KCNN2: variants seen among roughly 807,000 people sequenced by gnomAD.
KCNN2 encodes the protein potassium calcium-activated channel subfamily N member 2.
A neutral mutation model predicts 55.5 loss-of-function variants in KCNN2; 24 were observed. The ratio of observed to expected loss-of-function variants is 0.43; its 90% CI spans 0.31 to 0.61. The LOEUF is 0.61. Ranked by LOEUF, KCNN2 falls within the 20% of genes least tolerant of loss-of-function variation. The pLI, the probability that KCNN2 is intolerant of heterozygous loss-of-function variation, is 0.08. For synonymous variants in KCNN2, 431 were observed against 336.1 expected (o/e 1.28, Z -3.09); for missense variants, 754 against 853.6 (o/e 0.88, Z 1.45).
chr5:114,062,687 A>G (rs1750358099), intron 1 of KCNN2, among the ~76,000 whole-genome samples: 1 of 152,202 alleles, frequency 6.6e-6, no homozygotes, highest in African/African-American at 2.4e-5. Context: ...TTTAATAAAT[A>G]TCTTTGTTTT....
chr5:114,321,289 C>T (rs1358797751), intron 2 of KCNN2, among the ~76,000 whole-genome samples: 1 of 152,076 alleles, frequency 6.6e-6, no homozygotes, highest in African/African-American at 2.4e-5. Flanking sequence ...TATAAGGAGT[C>T]TTGTGTTCAT....
At chr5:114,063,594 C>G (rs1203783116) in intron 1 of KCNN2, among the ~76,000 whole-genome samples, 1 of 152,152 alleles carries the variant, frequency 6.6e-6, no homozygotes. Context: ...GCCTAGATAG[C>G]TAATTTTGAG....
chr5:114,188,021 C>T (rs550049378), intron 1 of KCNN2, among the ~76,000 whole-genome samples: 1 of 151,948 alleles, frequency 6.6e-6, no homozygotes, highest in South Asian at 2.1e-4. Flanking sequence ...CCATGTTGGT[C>T]AGGCTGGTCT....
intron 3 of KCNN2, among the ~76,000 whole-genome samples, chr5:114,423,858 CA>C (rs1421906666): frequency 3.3e-5 from 5 of 152,036 alleles, no homozygotes; most frequent in African/African-American, 1.2e-4. Context: ...TTCAAAAGGC[CA>C]AAAAGTGAGG....
At chr5:114,385,594 G>A (rs1330180877) in intron 2 of KCNN2, among the ~76,000 whole-genome samples, 4 of 151,460 alleles carry the variant, frequency 2.6e-5, no homozygotes, top group African/African-American at 9.7e-5. Context: ...GAGAGCTAGA[G>A]CCAAAACTAT....
chr5:114,080,879 A>G (rs769890917), intron 1 of KCNN2, among the ~76,000 whole-genome samples: 11 of 152,172 alleles, frequency 7.2e-5, no homozygotes, highest in Non-Finnish European at 1.2e-4. Flanking sequence ...TAGGAAAAGA[A>G]GAAGTAAAAT....
At chr5:114,380,969 C>A (rs1208154675) in intron 2 of KCNN2, among the ~76,000 whole-genome samples, 2 of 152,114 alleles carry the variant, frequency 1.3e-5, no homozygotes, top group African/African-American at 4.8e-5. Context: ...GTGGATAAAT[C>A]CAGGGTTCTC....
At chr5:114,065,846 G>GTTTTTTTTTTTTTTTT (rs56127808) in intron 1 of KCNN2, among the ~76,000 whole-genome samples, 1 of 45,196 alleles carries the variant, frequency 2.2e-5, no homozygotes, top group African/African-American at 8.5e-5. Flanking sequence ...TCCTATGCAG[G>GTTTTTTTTTTTTTTTT]TTTTTTTTTT....
intron 2 of KCNN2, among the ~76,000 whole-genome samples, chr5:114,277,169 A>C (rs538475698): frequency 1.3e-5 from 2 of 152,008 alleles, no homozygotes; most frequent in African/African-American, 4.8e-5. Context: ...TTTGCCCCCA[A>C]TCTCTTCTGG....
intron 1 of KCNN2, among the ~76,000 whole-genome samples, chr5:114,135,443 C>T (rs1320113335): frequency 3.9e-5 from 6 of 152,146 alleles, no homozygotes; most frequent in Non-Finnish European, 7.4e-5. Flanking sequence ...TATTAAGACC[C>T]CCCAACCCGA....
chr5:114,280,526 C>T (rs1019980598), intron 2 of KCNN2, among the ~76,000 whole-genome samples: 81 of 152,270 alleles, frequency 5.3e-4, no homozygotes, highest in African/African-American at 1.9e-3. Context: ...TATGGCTAGC[C>T]AGTTTTCCCA....
At chr5:114,065,172 G>A (rs1364678274) in intron 1 of KCNN2, among the ~76,000 whole-genome samples, 1 of 152,178 alleles carries the variant, frequency 6.6e-6, no homozygotes, top group African/African-American at 2.4e-5. Flanking sequence ...TATTTGGATT[G>A]CGAAGAGGAA....
intron 2 of KCNN2, among the ~76,000 whole-genome samples, chr5:114,257,685 T>C (rs1755011356): frequency 6.6e-6 from 1 of 152,206 alleles, no homozygotes; most frequent in Non-Finnish European, 1.5e-5. Flanking sequence ...GAACTCATTT[T>C]TGTACATTGA....
intron 1 of KCNN2, 127 bp from the exon 2 acceptor site, chr5:114,363,779 C>T (rs1052143093): frequency 4.5e-6 from 3 of 663,426 alleles, no homozygotes; most frequent in African/African-American, 1.8e-5. Flanking sequence ...GACAGGTGCA[C>T]CCCTCTCCCC....
At chr5:114,312,987 T>A (rs1351703955) in intron 2 of KCNN2, among the ~76,000 whole-genome samples, 4 of 152,132 alleles carry the variant, frequency 2.6e-5, no homozygotes, top group African/African-American at 9.7e-5. Context: ...CTGTTATATT[T>A]ATAAGCTACC....
intron 1 of KCNN2, among the ~76,000 whole-genome samples, chr5:114,118,290 A>G (rs1290599841): frequency 1.3e-5 from 2 of 152,150 alleles, no homozygotes; most frequent in East Asian, 3.9e-4. Flanking sequence ...GCACACACAC[A>G]GGCACACACA....
intron 1 of KCNN2, among the ~76,000 whole-genome samples, chr5:114,219,068 C>T (rs551449143): frequency 2.6e-5 from 4 of 152,178 alleles, no homozygotes; most frequent in Non-Finnish European, 2.9e-5. Context: ...AGTAGGTAAG[C>T]GAGTATGGGA....
At chr5:114,333,493 T>C (rs2150033923) in intron 2 of KCNN2, among the ~76,000 whole-genome samples, 1 of 152,330 alleles carries the variant, frequency 6.6e-6, no homozygotes, top group African/African-American at 2.4e-5. Context: ...TTGATTTATC[T>C]GCGGTGTCAT....
At chr5:114,158,563 G>A (rs560642601) in intron 1 of KCNN2, among the ~76,000 whole-genome samples, 4,673 of 151,916 alleles carry the variant, frequency 0.031, 245 homozygotes, top group African/African-American at 0.11. Context: ...GCTTGATGGG[G>A]ATGGCATTGA....
Sources: gnomAD v4.1 joint callset for allele counts (sites outside exome capture counted in the v4.1 genomes callset) on GRCh38, gnomAD v4.1.1 for gene constraint, MANE v1.5 for transcripts, NCBI Gene and HGNC (gene_info 2026-07-23, HGNC 2026-07-21) for gene names.